The following DDX11 variants were observed in gnomAD, a reference collection of about 807,000 sequenced individuals.
DDX11 encodes DEAD/H-box helicase 11.
A neutral mutation model predicts 125.2 loss-of-function variants in DDX11; 72 were observed. That is an observed-to-expected ratio of 0.58 (90% CI 0.48 to 0.70). The LOEUF is 0.70. Ranked by LOEUF, DDX11 falls within the 30% of genes least tolerant of loss-of-function variation. The pLI is 0.00. For synonymous variants in DDX11, 347 were observed against 452.6 expected (o/e 0.77, Z 2.96); for missense variants, 883 against 1,165.0 (o/e 0.76, Z 3.52).
At chr12:31,103,070 G>A in intron 24 of DDX11, 50 bp downstream of exon 24, 1 of 1,593,652 alleles carries the variant, frequency 6.3e-7, no homozygotes, top group Non-Finnish European at 8.6e-7. Flanking sequence ...GGCAGTGGGT[G>A]GGAGTGGCAT....
chr12:31,085,230 C>T (rs1165749580), intron 5 of DDX11, 104 bp downstream of exon 5: 2 of 1,418,382 alleles, frequency 1.4e-6, no homozygotes, highest in Non-Finnish European at 9.7e-7. Flanking sequence ...TGGCAAGAGG[C>T]ATGGTGGCCT....
rs1178036637 is a variant in DDX11, at chr12:31,104,316, C to G, written c.*480C>G. On this transcript the variant is annotated 3_prime_UTR_variant, in exon 27 of 27. Transcript: ENST00000542838. ...TAAAATGATCCATGGCCACAGGGCT[C>G]CTGCCCAGGGGCTTGTCACCTTCCC... 6 of 441,802 alleles carry G rather than the reference C, an allele frequency of 1.4e-5. No individual in the cohort carries two copies. The highest frequency in any genetic ancestry group is 2.4e-5 in the Non-Finnish European group (6 of 252,162). The allele number at this position is 441,802 out of a possible 1,614,324, so 27.4% of individuals were successfully genotyped here.
Position 31,096,655 on chromosome 12 carries a change from C to T in DDX11, c.1540C>T (p.Arg514Trp), listed in dbSNP as rs1371441554. The change falls in exon 16 of 27, where the codon CGG becomes TGG. Residue 514 changes from arginine (R) to tryptophan (W), a missense_variant. Around this residue, in one of 5 missense-constraint regions of DDX11, gnomAD observed 241 missense variants for 279.7 expected, o/e 0.86. Coordinates refer to ENST00000542838, the MANE Select transcript of DDX11 (RefSeq NM_030653.4). ...ISRKLFGFTE[R>W]YGAVFSSREQ... ...CACCCAGCTCTTTGGATTCACTGAA[C>T]GGTACGGAGCAGTGTTCTCATCCCG... 3.4e-5 allele frequency: 55 copies of T among 1,613,686 alleles called. No individual in the cohort carries two copies. The highest frequency in any genetic ancestry group is 1.7e-4 in the Middle Eastern group (1 of 5,768).
At chr12:31,079,656 A>G (rs1324060935) in intron 2 of DDX11, among the ~76,000 whole-genome samples, 173 of 150,320 alleles carry the variant, frequency 1.2e-3, no homozygotes, top group Non-Finnish European at 1.7e-3. Flanking sequence ...GGATTTCAAC[A>G]TATGTTTGTT....
chr12:31,078,880 G>T (rs954736557), intron 2 of DDX11, among the ~76,000 whole-genome samples: 3 of 151,950 alleles, frequency 2.0e-5, no homozygotes, highest in African/African-American at 7.3e-5. Flanking sequence ...ATAGAGACAG[G>T]GTTTCACCGT....
At chr12:31,084,485 C>A (rs1376776238) in intron 3 of DDX11, 98 bp from the exon 4 acceptor site, 1 of 1,067,934 alleles carries the variant, frequency 9.4e-7, no homozygotes, top group African/African-American at 1.6e-5. Flanking sequence ...GAGAGATGCC[C>A]CCAGTGAGGA....
intron 6 of DDX11, 147 bp from the exon 7 acceptor site, chr12:31,088,897 T>C: frequency 2.9e-6 from 2 of 697,142 alleles, no homozygotes; most frequent in Non-Finnish European, 5.3e-6. Flanking sequence ...ATGCCTGACA[T>C]GGGACATTGC....
chr12:31,088,841 C>T (rs1425959497), intron 6 of DDX11, among the ~76,000 whole-genome samples: 1 of 152,238 alleles, frequency 6.6e-6, no homozygotes, highest in Non-Finnish European at 1.5e-5. Flanking sequence ...TTCCCTTGAA[C>T]TTCTGGAGCT....
In DDX11 at chr12:31,078,444, C is replaced by T. The variant is rs1418313127; in HGVS notation, c.51C>T (p.Phe17=). Residue 17 remains phenylalanine (F), a synonymous_variant, in exon 2 of 27, where the codon TTC becomes TTT. Transcript: ENST00000542838. ...GTGCCATCCATTTTCCTTTTCCCTT[C>T]ACACCCTATTCCATCCAGGAAGACT... is the stretch of plus-strand genomic sequence containing the variant. ...KVGAIHFPFP[F]TPYSIQEDFM... 1 of 1,610,428 alleles carries T rather than the reference C, an allele frequency of 6.2e-7. No homozygotes were observed. The highest frequency in any genetic ancestry group is 8.5e-7 in the Non-Finnish European group (1 of 1,178,424).
In DDX11 at chr12:31,083,900, G is replaced by T; in HGVS notation, c.232G>T (p.Glu78Ter). 1 of 1,613,806 alleles carries T rather than the reference G, an allele frequency of 6.2e-7. No individual in the cohort carries two copies. The highest frequency in any genetic ancestry group is 8.5e-7 in the Non-Finnish European group (1 of 1,179,874). ...GCGTGAAGAAGAGGCACGACTCCTT[G>T]AAACTGGAACTGGCCCCTTACATGA... ...KKREEEARLLETGTGPLHDEK... is the reference protein window; with the variant it reads ...KKREEEARLL The change falls in exon 3 of 27, where the codon GAA becomes TAA. Residue 78 changes from glutamate to a stop codon, truncating the protein, a stop_gained. Coordinates refer to ENST00000542838, the MANE Select transcript of DDX11 (RefSeq NM_030653.4). LOFTEE classifies it high-confidence loss of function.
At position 31,094,825 on chromosome 12, in the gene DDX11, A is replaced by G; in HGVS notation, c.1482+3A>G. ...TCGACAACATCAACCTGTTCAAGGT[A>G]GAGGTTTCCACCTTTCCACATTCCA... On this transcript the variant is annotated splice_donor_region_variant and intron_variant, in intron 14 of 26. Transcript: ENST00000542838. The G allele has an allele frequency of 1.2e-6, 2 of 1,612,140 alleles. No homozygotes were observed. The highest frequency in any genetic ancestry group is 1.7e-6 in the Non-Finnish European group (2 of 1,178,144).
chr12:31,096,851 C>A lies in DDX11; in HGVS notation c.1631-8C>A. ...AGGGAGGCCTCCTCCCCGTTCTGCT[C>A]TGTGCAGCTCTTGCAGCCCCTGCAG... On this transcript the variant is annotated splice_polypyrimidine_tract_variant and splice_region_variant and intron_variant, in intron 16 of 26. Transcript: ENST00000542838. 4 of 1,614,210 alleles carry A rather than the reference C, an allele frequency of 2.5e-6. No individual in the cohort carries two copies. Among genetic ancestry groups the A allele is most frequent in the Non-Finnish European group, 3.4e-6 (4 of 1,180,046 alleles).
intron 5 of DDX11, among the ~76,000 whole-genome samples, chr12:31,086,571 G>A (rs2352622): frequency 0.54 from 81,517 of 151,766 alleles, 23,108 homozygotes; most frequent in East Asian, 0.82. Context: ...CTTCCTGCCC[G>A]CCTCCGAGGT....
intron 9 of DDX11, among the ~76,000 whole-genome samples, chr12:31,090,785 G>A (rs1745411763): frequency 6.6e-6 from 1 of 152,158 alleles, no homozygotes; most frequent in African/African-American, 2.4e-5. Flanking sequence ...AAGATTCAGG[G>A]AACTAAGTAA....
intron 24 of DDX11, 108 bp from the exon 25 acceptor site, chr12:31,103,209 C>T: frequency 3.3e-6 from 5 of 1,511,962 alleles, no homozygotes; most frequent in Non-Finnish European, 4.5e-6. Context: ...CTGCTGCTGG[C>T]ATTGGCCACG....
At position 31,089,086 on chromosome 12, in the gene DDX11, G is replaced by A. The variant is rs1178312937; in HGVS notation, c.727G>A (p.Val243Met). Residue 243 changes from valine (V) to methionine (M), a missense_variant, in exon 7 of 27, where the codon GTG (valine) becomes ATG (methionine). Coordinates refer to ENST00000542838, the MANE Select transcript of DDX11 (RefSeq NM_030653.4). ...GACACACTCCCAGCTGGCCCAGTTT[G>A]TGCATGAGGTGAAGAAGAGCCCCTT... ...SRTHSQLAQF[V>M]HEVKKSPFGK... 1.2e-6 allele frequency: 2 copies of A among 1,613,884 alleles called. No homozygotes were observed. Among genetic ancestry groups the A allele is most frequent in the Admixed American group, 1.7e-5 (1 of 60,004 alleles).
chr12:31,084,203 CTA>C, intron 3 of DDX11, 142 bp downstream of exon 3: 1 of 1,167,122 alleles, frequency 8.6e-7, no homozygotes, highest in Non-Finnish European at 1.3e-6. Context: ...CTCCTTGGGT[CTA>C]TGGTGCTGCC....
intron 21 of DDX11, 52 bp from the exon 22 acceptor site, chr12:31,102,191 G>A (rs1287423150): frequency 2.1e-5 from 34 of 1,596,592 alleles, no homozygotes; most frequent in Admixed American, 1.8e-4. Flanking sequence ...GAGCAGACTC[G>A]AGACCTGGCA....
intron 18 of DDX11, among the ~76,000 whole-genome samples, chr12:31,099,343 A>T (rs1945969827): frequency 6.6e-6 from 1 of 151,856 alleles, no homozygotes; most frequent in Non-Finnish European, 1.5e-5. Flanking sequence ...CATCCCAAAG[A>T]GCTGGGATTA....
Sources: gnomAD v4.1 joint callset for allele counts (sites outside exome capture counted in the v4.1 genomes callset) on GRCh38, gnomAD v4.1.1 for gene constraint, gnomAD v4.1.1 regional missense constraint, MANE v1.5 for transcripts, NCBI Gene and HGNC (gene_info 2026-07-23, HGNC 2026-07-21) for gene names.